HTR2A: variants seen among roughly 807,000 people sequenced by gnomAD.
The protein encoded by HTR2A is 5-HT2 receptor.
Under a neutral mutation model 31.0 loss-of-function variants are expected in HTR2A, and 14 were observed. That is an observed-to-expected ratio of 0.45 (90% CI 0.30 to 0.71). The LOEUF (loss-of-function observed/expected upper bound fraction) is 0.71. Ranked by LOEUF, HTR2A falls within the 30% of genes least tolerant of loss-of-function variation. HTR2A has a pLI of 0.09. For missense variants in HTR2A, 442 were observed against 573.3 expected (o/e 0.77, Z 2.34); for synonymous variants, 209 against 225.2 (o/e 0.93, Z 0.64).
chr13:46,886,515 TAAAGC>T (rs1379417024), intron 3 of HTR2A, among the ~76,000 whole-genome samples: 3 of 152,198 alleles, frequency 2.0e-5, no homozygotes, highest in Admixed American at 6.5e-5. Flanking sequence ...AAAATGCACA[TAAAGC>T]AAAGCTACAA....
intron 3 of HTR2A, among the ~76,000 whole-genome samples, chr13:46,888,761 G>A (rs527706403): frequency 2.0e-5 from 3 of 152,318 alleles, no homozygotes; most frequent in African/African-American, 4.8e-5. Context: ...AGACAACAGG[G>A]ATAGATGGAG....
chr13:46,860,751 G>A (rs1404389276), intron 3 of HTR2A, among the ~76,000 whole-genome samples: 1 of 152,170 alleles, frequency 6.6e-6, no homozygotes, highest in Admixed American at 6.5e-5. Flanking sequence ...ATCAGTGGCT[G>A]ACCTTGACAG....
At chr13:46,857,172 C>T (rs1950744553) in intron 3 of HTR2A, among the ~76,000 whole-genome samples, 1 of 151,856 alleles carries the variant, frequency 6.6e-6, no homozygotes, top group East Asian at 1.9e-4. Context: ...TGATTGTGCT[C>T]CCCTGCAGTC....
intron 3 of HTR2A, among the ~76,000 whole-genome samples, chr13:46,879,051 G>A (rs1928039): frequency 0.94 from 142,758 of 152,284 alleles, 66,962 homozygotes; most frequent in African/African-American, 0.96. Flanking sequence ...GCAGGGTTTT[G>A]AGGAAACTGC....
At chr13:46,893,199 G>C (rs1951068884) in intron 2 of HTR2A, among the ~76,000 whole-genome samples, 1 of 152,210 alleles carries the variant, frequency 6.6e-6, no homozygotes, top group Non-Finnish European at 1.5e-5. Context: ...TGTAGGGAGA[G>C]CTGAAGACAA....
At chr13:46,879,565 A>AC (rs1950944361) in intron 3 of HTR2A, among the ~76,000 whole-genome samples, 1 of 152,220 alleles carries the variant, frequency 6.6e-6, no homozygotes, top group Non-Finnish European at 1.5e-5. Flanking sequence ...GACAGGAAGT[A>AC]CAGAAGATCA....
chr13:46,843,078 T>G (rs985780028), intron 3 of HTR2A, among the ~76,000 whole-genome samples: 1 of 152,246 alleles, frequency 6.6e-6, no homozygotes, highest in Non-Finnish European at 1.5e-5. Context: ...ATGCTGCAGA[T>G]GCTCTGTGCC....
At chr13:46,842,996 G>C (rs567481132) in intron 3 of HTR2A, among the ~76,000 whole-genome samples, 61 of 152,342 alleles carry the variant, frequency 4.0e-4, no homozygotes, top group Middle Eastern at 3.4e-3. Context: ...GTTCTGAGTA[G>C]TGTGATAAAA....
intron 3 of HTR2A, among the ~76,000 whole-genome samples, chr13:46,843,168 C>T (rs1950613124): frequency 6.6e-6 from 1 of 152,240 alleles, no homozygotes; most frequent in Non-Finnish European, 1.5e-5. Flanking sequence ...CCTTATTTTA[C>T]CCAAGAATGG....
intron 3 of HTR2A, among the ~76,000 whole-genome samples, chr13:46,869,710 T>TAA (rs1439808114): frequency 6.6e-6 from 1 of 152,066 alleles, no homozygotes; most frequent in Non-Finnish European, 1.5e-5. Flanking sequence ...CATATATATA[T>TAA]AATGAAATAT....
chr13:46,845,055 A>G (rs1460955067), intron 3 of HTR2A, among the ~76,000 whole-genome samples: 3 of 152,166 alleles, frequency 2.0e-5, no homozygotes, highest in African/African-American at 7.2e-5. Flanking sequence ...TAAACACACG[A>G]AACTACAGAA....
chr13:46,876,591 T>C (rs996678013), intron 3 of HTR2A, among the ~76,000 whole-genome samples: 2 of 151,458 alleles, frequency 1.3e-5, no homozygotes, highest in Non-Finnish European at 2.9e-5. Flanking sequence ...CTTTTTTTTT[T>C]ATTTTTAGTA....
In HTR2A at chr13:46,834,624, G is replaced by A. The variant is rs1341561255; in HGVS notation, c.*213C>T. On this transcript the variant is annotated 3_prime_UTR_variant, in exon 4 of 4. Coordinates refer to ENST00000542664, the MANE Select transcript of HTR2A (RefSeq NM_000621.5). ...CAATGTTATAAATAAGTATCAGAAA[G>A]CTCACAGCTGAAATGCTGTCAGAAC... 22 of 522,882 alleles carry A rather than the reference G, an allele frequency of 4.2e-5. No individual in the cohort carries two copies. Among genetic ancestry groups the A allele is most frequent in the East Asian group, 4.1e-4 (14 of 34,110 alleles). 32.4% of individuals were successfully genotyped at this position (522,882 alleles called of 1,614,324 possible). A position where few individuals can be genotyped will look rare whatever the true frequency, so the allele number is the denominator to read the frequency against.
chr13:46,847,240 T>G (rs1593428145), intron 3 of HTR2A, among the ~76,000 whole-genome samples: 1 of 152,234 alleles, frequency 6.6e-6, no homozygotes, highest in Non-Finnish European at 1.5e-5. Flanking sequence ...CTTTCAAAGA[T>G]AGTTCTGCTA....
intron 3 of HTR2A, among the ~76,000 whole-genome samples, chr13:46,876,063 T>C (rs1950907706): frequency 6.6e-6 from 1 of 152,240 alleles, no homozygotes; most frequent in Non-Finnish European, 1.5e-5. Flanking sequence ...ATCAATGTTA[T>C]AGAGTTATAA....
chr13:46,835,429 C>G lies in HTR2A; in HGVS notation c.824G>C (p.Arg275Pro), dbSNP rs533383790. 1.9e-6 allele frequency: 3 copies of G among 1,613,980 alleles called. No individual in the cohort carries two copies. The South Asian group carries it at 3.3e-5, about 18-fold the overall frequency. ...ATLCVSDLGT[R>P]AKLASFSFLP... is the part of the protein sequence containing the mutation. ...GAAGCTGAAAGAAGCTAATTTGGCCCGTGTGCCAAGATCACTTACACACAA... is the reference window on the plus strand; with the variant it reads ...GAAGCTGAAAGAAGCTAATTTGGCCGGTGTGCCAAGATCACTTACACACAA... The change falls in exon 4 of 4, where the codon CGG becomes CCG. Residue 275 changes from arginine to proline, a missense_variant. Coordinates refer to ENST00000542664, the MANE Select transcript of HTR2A (RefSeq NM_000621.5).
intron 3 of HTR2A, among the ~76,000 whole-genome samples, chr13:46,890,815 G>A (rs558478933): frequency 6.6e-6 from 1 of 152,036 alleles, no homozygotes; most frequent in Non-Finnish European, 1.5e-5. Context: ...TACTTATCAC[G>A]CTGACCACCC....
intron 3 of HTR2A, among the ~76,000 whole-genome samples, chr13:46,881,575 C>G (rs1050718928): frequency 2.6e-5 from 4 of 152,200 alleles, no homozygotes; most frequent in African/African-American, 9.7e-5. Context: ...GAGACTTGGA[C>G]TAATTCAAGT....
At chr13:46,875,235 A>T (rs1950899252) in intron 3 of HTR2A, among the ~76,000 whole-genome samples, 1 of 152,226 alleles carries the variant, frequency 6.6e-6, no homozygotes, top group African/African-American at 2.4e-5. Flanking sequence ...ATAGTTGTTC[A>T]TCTGGGATTT....
Sources: gnomAD v4.1 joint callset for allele counts (sites outside exome capture counted in the v4.1 genomes callset) on GRCh38, gnomAD v4.1.1 for gene constraint, MANE v1.5 for transcripts, NCBI Gene and HGNC (gene_info 2026-07-23, HGNC 2026-07-21) for gene names.